KIRREL3: variants seen among roughly 807,000 people sequenced by gnomAD.
The protein encoded by KIRREL3 is kirre like nephrin family adhesion molecule 3.
KIRREL3 carries 36 observed loss-of-function variants against 89.7 expected under a neutral mutation model. The observed-to-expected ratio is 0.40, with a 90% CI of 0.31 to 0.53. The LOEUF (loss-of-function observed/expected upper bound fraction) is 0.53, where lower values mean the gene tolerates loss of function less well. Among genes scored for constraint, KIRREL3 ranks in the 20% least tolerant of loss-of-function variants. The pLI, the probability that KIRREL3 is intolerant of heterozygous loss-of-function variation, is 0.49. For missense variants in KIRREL3, 864 were observed against 1,056.6 expected (o/e 0.82, Z 2.53); for synonymous variants, 445 against 441.4 (o/e 1.01, Z -0.10).
chr11:126,945,309 C>G (rs929348248), intron 1 of KIRREL3, among the ~76,000 whole-genome samples: 6 of 152,190 alleles, frequency 3.9e-5, no homozygotes, highest in African/African-American at 1.4e-4. Context: ...CAACATTCAG[C>G]CACAAGTGTG....
chr11:126,793,401 T>A (rs1950707346), intron 1 of KIRREL3, among the ~76,000 whole-genome samples: 1 of 152,218 alleles, frequency 6.6e-6, no homozygotes, highest in Middle Eastern at 3.2e-3. Flanking sequence ...TTCAAACCGC[T>A]CTTAGTTCCT....
chr11:126,765,907 A>C (rs1949809272), intron 1 of KIRREL3, among the ~76,000 whole-genome samples: 1 of 152,118 alleles, frequency 6.6e-6, no homozygotes, highest in African/African-American at 2.4e-5. Flanking sequence ...CTGGGCAAGG[A>C]AGCCCCTCCC....
intron 1 of KIRREL3, among the ~76,000 whole-genome samples, chr11:126,963,811 T>C (rs1949176200): frequency 6.6e-6 from 1 of 152,188 alleles, no homozygotes; most frequent in Admixed American, 6.6e-5. Context: ...TGTCTGGAGA[T>C]GATTAACCTG....
chr11:126,441,110 C>T lies in KIRREL3; in HGVS notation c.1253-561G>A, dbSNP rs886530727. ...TCCTTAGGGCGGGAATCACCCCGGA[C>T]AGGGGGAATGCATGCGCTGGCCGTG... On this transcript the variant is annotated intron_variant, in intron 10 of 16. Transcript: ENST00000525144. The surrounding 1 kb of genome is among the most constrained non-coding windows in gnomAD (Gnocchi z 5.0). Among the ~76,000 whole-genome samples the T allele has an allele frequency of 4.6e-5, 7 of 152,248 alleles. No individual in the cohort carries two copies. The highest frequency in any genetic ancestry group is 7.3e-5 in the Non-Finnish European group (5 of 68,046).
intron 11 of KIRREL3, 74 bp from the exon 12 acceptor site, chr11:126,437,083 G>A: frequency 1.5e-6 from 2 of 1,340,262 alleles, no homozygotes; most frequent in South Asian, 1.5e-5. Context: ...GAGTCACAGT[G>A]CCACTGTCCT....
At chr11:126,460,125 G>A (rs148158783) in intron 6 of KIRREL3, among the ~76,000 whole-genome samples, 93 of 152,210 alleles carry the variant, frequency 6.1e-4, no homozygotes, top group Non-Finnish European at 9.7e-4. Flanking sequence ...GAGGGGGAAG[G>A]GGGGAGGGAG....
chr11:126,673,689 A>C (rs1412354024), intron 1 of KIRREL3, among the ~76,000 whole-genome samples: 1 of 152,212 alleles, frequency 6.6e-6, no homozygotes, highest in Non-Finnish European at 1.5e-5. Flanking sequence ...CTGGAGCAGG[A>C]CAGGGAGGAG....
In KIRREL3 at chr11:126,454,430, C is replaced by A. The variant is rs947674432; in HGVS notation, c.848+1919G>T. Among the ~76,000 whole-genome samples the A allele has an allele frequency of 2.6e-5, 4 of 152,040 alleles. No homozygotes were observed. The highest frequency in any genetic ancestry group is 9.7e-5 in the African/African-American group (4 of 41,384). The stretch of plus-strand genomic sequence containing the variant: ...AAGTTGTGTGTCCTGGTCTCTGGGG[C>A]GCCCAACAGGCATTCTAAGGGTGGC... On this transcript the variant is annotated intron_variant, in intron 7 of 16. Transcript: ENST00000525144. The surrounding 1 kb of genome is among the most constrained non-coding windows in gnomAD (Gnocchi z 5.8).
At position 126,908,158 on chromosome 11, in the gene KIRREL3, C is replaced by A. The variant is rs562530027; in HGVS notation, c.55+92297G>T. Among the ~76,000 whole-genome samples, 115 of 152,276 alleles carry A rather than the reference C, an allele frequency of 7.6e-4. No homozygotes were observed. Among genetic ancestry groups the A allele is most frequent in the African/African-American group, 2.5e-3 (103 of 41,532 alleles). ...ATGCAAGTCCTATGAAGGCAAATAT[C>A]TGTTTTGTTTACTGCCGTATTTTCA... On this transcript the variant is annotated intron_variant, in intron 1 of 16. Coordinates refer to ENST00000525144, the MANE Select transcript of KIRREL3 (RefSeq NM_032531.4). The surrounding 1 kb of genome is among the most constrained non-coding windows in gnomAD (Gnocchi z 4.2).
chr11:126,986,637 A>T (rs1466083424), intron 1 of KIRREL3, among the ~76,000 whole-genome samples: 1 of 152,138 alleles, frequency 6.6e-6, no homozygotes, highest in Admixed American at 6.5e-5. Flanking sequence ...AGCACTCTTG[A>T]TTTCTTTCCA....
intron 1 of KIRREL3, among the ~76,000 whole-genome samples, chr11:126,646,004 A>G (rs1565616587): frequency 6.6e-6 from 1 of 152,322 alleles, no homozygotes; most frequent in East Asian, 1.9e-4. Flanking sequence ...TTGTCCTCAA[A>G]ATGATTCTTC....
rs1944540269 is a variant in KIRREL3, at chr11:126,643,231, A to G, written c.56-80319T>C. 6.6e-6 allele frequency among the ~76,000 whole-genome samples: 1 copy of G among 152,262 alleles called. No individual in the cohort carries two copies. The highest frequency in any genetic ancestry group is 2.4e-5 in the African/African-American group (1 of 41,468). ...ATTTCATAGGGTTAACATGGGAATT[A>G]AAGAAGATAATGCATATTAAAGTTC... On this transcript the variant is annotated intron_variant, in intron 1 of 16. Coordinates refer to ENST00000525144, the MANE Select transcript of KIRREL3 (RefSeq NM_032531.4). This position sits in a 1 kb window ranked among gnomAD's most constrained non-coding sequence, Gnocchi z 4.5.
At chr11:126,442,281 AAAC>A (rs1389892389) in intron 10 of KIRREL3, among the ~76,000 whole-genome samples, 1 of 113,282 alleles carries the variant, frequency 8.8e-6, no homozygotes, top group African/African-American at 2.8e-5. Context: ...AACAAAAAAA[AAAC>A]AAAAAACCCA....
In KIRREL3 at chr11:126,476,865, C is replaced by G. The variant is rs950138083; in HGVS notation, c.434-3399G>C. Reference sequence around the variant, plus strand: ...GGTCCCCGCTTGGAGATGTATTATTCATCACCCCCTCGCAGGATTGGTTAT... The same window carrying G: ...GGTCCCCGCTTGGAGATGTATTATTGATCACCCCCTCGCAGGATTGGTTAT... On this transcript the variant is annotated intron_variant, in intron 4 of 16. Coordinates refer to ENST00000525144, the MANE Select transcript of KIRREL3 (RefSeq NM_032531.4). This position sits in a 1 kb window ranked among gnomAD's most constrained non-coding sequence, Gnocchi z 6.4. 8.5e-5 allele frequency among the ~76,000 whole-genome samples: 13 copies of G among 152,240 alleles called. No individual in the cohort carries two copies. Among genetic ancestry groups the G allele is most frequent in the Non-Finnish European group, 2.9e-5 (2 of 68,036 alleles).
At chr11:126,839,715 T>C (rs1373121069) in intron 1 of KIRREL3, among the ~76,000 whole-genome samples, 5 of 152,216 alleles carry the variant, frequency 3.3e-5, no homozygotes, top group African/African-American at 9.6e-5. Context: ...CCCTGAAACA[T>C]CCAGGCGGGT....
intron 1 of KIRREL3, among the ~76,000 whole-genome samples, chr11:126,923,239 T>C (rs866283649): frequency 2.5e-4 from 14 of 55,894 alleles, no homozygotes; most frequent in Non-Finnish European, 3.8e-4. Context: ...TTCTTCTTCT[T>C]CTTCTTCTTC....
At chr11:126,790,419 G>A (rs1283177995) in intron 1 of KIRREL3, among the ~76,000 whole-genome samples, 1 of 152,108 alleles carries the variant, frequency 6.6e-6, no homozygotes, top group Non-Finnish European at 1.5e-5. Flanking sequence ...ATTGGTCATC[G>A]AAGTTAACCT....
chr11:126,442,344 ACACACACAC>A (rs1955610724), intron 10 of KIRREL3, among the ~76,000 whole-genome samples: 1 of 142,070 alleles, frequency 7.0e-6, no homozygotes, highest in Admixed American at 6.9e-5. Context: ...ACACACACAC[ACACACACAC>A]AAAACCTTTT....
chr11:126,747,371 A>G lies in KIRREL3; in HGVS notation c.56-184459T>C, dbSNP rs1331697695. Reference sequence around the variant, plus strand: ...GCGTAAGTCCTCCATACTGAAAGCTAGTACCGTCGTCCCATGCTCTTCCCC... The same window carrying G: ...GCGTAAGTCCTCCATACTGAAAGCTGGTACCGTCGTCCCATGCTCTTCCCC... On this transcript the variant is annotated intron_variant, in intron 1 of 16. Transcript: ENST00000525144. The surrounding 1 kb of genome is among the most constrained non-coding windows in gnomAD (Gnocchi z 4.7). Among the ~76,000 whole-genome samples the G allele has an allele frequency of 2.0e-5, 3 of 152,186 alleles. No individual in the cohort carries two copies. Among genetic ancestry groups the G allele is most frequent in the African/African-American group, 7.2e-5 (3 of 41,450 alleles).
Sources: gnomAD v4.1 joint callset for allele counts (sites outside exome capture counted in the v4.1 genomes callset) on GRCh38, gnomAD v4.1.1 for gene constraint, Gnocchi (gnomAD v3.1) non-coding constraint, MANE v1.5 for transcripts, NCBI Gene and HGNC (gene_info 2026-07-23, HGNC 2026-07-21) for gene names.